CEP128: variants seen among roughly 807,000 people sequenced by gnomAD.
The protein encoded by CEP128 is centrosomal protein 128kDa.
Under a neutral mutation model 156.7 loss-of-function variants are expected in CEP128, and 132 were observed. The ratio of observed to expected loss-of-function variants is 0.84; its 90% CI spans 0.73 to 0.97. The LOEUF is 0.97. Among genes scored for constraint, CEP128 ranks in the 50% least tolerant of loss-of-function variants. The pLI, the probability that CEP128 is intolerant of heterozygous loss-of-function variation, is 0.00. For synonymous variants in CEP128, 469 were observed against 448.9 expected (o/e 1.04, Z -0.57); for missense variants, 1,252 against 1,281.9 (o/e 0.98, Z 0.36).
At chr14:80,580,965 T>A (rs1342737587) in intron 19 of CEP128, among the ~76,000 whole-genome samples, 1 of 152,110 alleles carries the variant, frequency 6.6e-6, no homozygotes, top group Non-Finnish European at 1.5e-5. Flanking sequence ...TTAATTATCA[T>A]TTCACACTGA....
At chr14:80,673,372 G>A (rs941582697) in intron 19 of CEP128, among the ~76,000 whole-genome samples, 7 of 151,944 alleles carry the variant, frequency 4.6e-5, no homozygotes, top group East Asian at 1.9e-4. Context: ...GGCCGGGCGC[G>A]GTGGCTCACG....
At chr14:80,723,142 C>G (rs1201002486) in intron 19 of CEP128, among the ~76,000 whole-genome samples, 1 of 152,026 alleles carries the variant, frequency 6.6e-6, no homozygotes, top group East Asian at 1.9e-4. Flanking sequence ...ATCTTTTAAA[C>G]ATTACTAAGA....
chr14:80,930,218 G>A (rs1002731473), intron 2 of CEP128, among the ~76,000 whole-genome samples: 107 of 152,276 alleles, frequency 7.0e-4, no homozygotes, highest in African/African-American at 2.4e-3. Context: ...CCCAGAGACC[G>A]TAGTAAATCT....
intron 19 of CEP128, among the ~76,000 whole-genome samples, chr14:80,656,180 G>C (rs1414139002): frequency 6.7e-6 from 1 of 149,592 alleles, no homozygotes; most frequent in Non-Finnish European, 1.5e-5. Context: ...TTTTCTATAA[G>C]GATGTTCTCC....
intron 10 of CEP128, 120 bp downstream of exon 10, chr14:80,840,562 T>G (rs546797000): frequency 3.3e-6 from 2 of 610,852 alleles, no homozygotes; most frequent in Non-Finnish European, 5.7e-6. Flanking sequence ...TGACTCCACA[T>G]AGAAAGATAA....
chr14:80,809,626 C>G (rs542538157), intron 13 of CEP128, among the ~76,000 whole-genome samples: 1 of 152,242 alleles, frequency 6.6e-6, no homozygotes, highest in South Asian at 2.1e-4. Flanking sequence ...AGGAAAGCAT[C>G]TAATCACTTA....
chr14:80,871,967 TA>T (rs1431059280), intron 8 of CEP128, among the ~76,000 whole-genome samples: 1 of 152,160 alleles, frequency 6.6e-6, no homozygotes, highest in Non-Finnish European at 1.5e-5. Context: ...AAAGTCCACT[TA>T]AATAAATATG....
chr14:80,899,531 G>A (rs1883407695), intron 7 of CEP128, among the ~76,000 whole-genome samples: 1 of 152,152 alleles, frequency 6.6e-6, no homozygotes, highest in African/African-American at 2.4e-5. Context: ...CTAAAGTATT[G>A]GATTCTACAA....
chr14:80,790,720 A>T (rs1054755233), intron 14 of CEP128, among the ~76,000 whole-genome samples: 1 of 152,152 alleles, frequency 6.6e-6, no homozygotes, highest in Non-Finnish European at 1.5e-5. Flanking sequence ...AAATCAGAGA[A>T]ATTTTTAAGA....
chr14:80,516,547 C>T (rs1445489714), intron 23 of CEP128, among the ~76,000 whole-genome samples: 1 of 152,194 alleles, frequency 6.6e-6, no homozygotes, highest in Non-Finnish European at 1.5e-5. Flanking sequence ...GCTAAACTGC[C>T]TCTCAAGTTT....
At chr14:80,912,026 G>A (rs28451264) in intron 4 of CEP128, among the ~76,000 whole-genome samples, 7,482 of 152,178 alleles carry the variant, frequency 0.049, 631 homozygotes, top group African/African-American at 0.17. Context: ...AGACCATCCC[G>A]ACCAACATGG....
chr14:80,626,341 G>GGC (rs1893719433), intron 19 of CEP128, among the ~76,000 whole-genome samples: 1 of 151,462 alleles, frequency 6.6e-6, no homozygotes, highest in Admixed American at 6.6e-5. Context: ...GCGGGCGCCT[G>GGC]TAGTCCCAGC....
rs753653881 is a variant in CEP128, at chr14:80,904,797, G to A, written c.480+16C>T. 4 of 1,305,250 alleles carry A rather than the reference G, an allele frequency of 3.1e-6. No individual in the cohort carries two copies. The African/African-American group carries it at 5.8e-5, about 19-fold the overall frequency. 80.9% of individuals were successfully genotyped at this position (1,305,250 alleles called of 1,614,324 possible). ...AAGGAAATACTGCACACAAATTACA[G>A]AATGGTACAAAGTACCTGAGTCATA... On this transcript the variant is annotated intron_variant, in intron 6 of 24. Transcript: ENST00000555265.
intron 2 of CEP128, chr14:80,955,108 C>A: frequency 5.6e-6 from 1 of 179,910 alleles, no homozygotes; most frequent in Admixed American, 5.4e-5. Context: ...CCGCCTCTGA[C>A]CCTCAGCAGA....
chr14:80,834,066 G>C (rs1269106429), intron 12 of CEP128, among the ~76,000 whole-genome samples: 2 of 152,110 alleles, frequency 1.3e-5, no homozygotes, highest in Non-Finnish European at 2.9e-5. Flanking sequence ...AGGGCCAATG[G>C]TTAGGAGAGC....
chr14:80,721,484 T>G (rs1338224139), intron 19 of CEP128, among the ~76,000 whole-genome samples: 1 of 152,162 alleles, frequency 6.6e-6, no homozygotes, highest in Non-Finnish European at 1.5e-5. Flanking sequence ...AAAAACAAAA[T>G]GTAAAATATG....
chr14:80,538,226 T>C (rs1167917604), intron 21 of CEP128, among the ~76,000 whole-genome samples: 3 of 152,038 alleles, frequency 2.0e-5, no homozygotes, highest in African/African-American at 7.3e-5. Context: ...TCAGTGACCA[T>C]CTAAAATTAG....
At chr14:80,839,656 A>G (rs1403810888) in intron 10 of CEP128, among the ~76,000 whole-genome samples, 1 of 152,208 alleles carries the variant, frequency 6.6e-6, no homozygotes, top group African/African-American at 2.4e-5. Flanking sequence ...AATTGGGTGC[A>G]TGGGACCTCT....
intron 19 of CEP128, among the ~76,000 whole-genome samples, chr14:80,684,253 C>T (rs940703540): frequency 3.3e-5 from 5 of 151,950 alleles, no homozygotes; most frequent in Admixed American, 2.6e-4. Flanking sequence ...TTGGAAAGGA[C>T]AAAGGTGACA....
Sources: gnomAD v4.1 joint callset for allele counts (sites outside exome capture counted in the v4.1 genomes callset) on GRCh38, gnomAD v4.1.1 for gene constraint, MANE v1.5 for transcripts, NCBI Gene and HGNC (gene_info 2026-07-23, HGNC 2026-07-21) for gene names.